Variants in CD84 observed in about 807,000 individuals in gnomAD.
CD84 encodes SLAM family member 5.
A neutral mutation model predicts 33.8 loss-of-function variants in CD84; 22 were observed. That is an observed-to-expected ratio of 0.65 (90% CI 0.46 to 0.93). CD84 has a LOEUF of 0.93. Ranked by LOEUF, CD84 falls within the 40% of genes least tolerant of loss-of-function variation. CD84 has a pLI of 0.00. For synonymous variants in CD84, 154 were observed against 145.2 expected (o/e 1.06, Z -0.44); for missense variants, 400 against 397.6 (o/e 1.01, Z -0.05).
intron 3 of CD84, 120 bp from the exon 4 acceptor site, chr1:160,553,617 C>A: frequency 8.2e-7 from 1 of 1,224,520 alleles, no homozygotes; most frequent in Admixed American, 2.2e-5. Flanking sequence ...AGTGCCAAAG[C>A]TCCTAGGGAA....
chr1:160,555,599 G>C (rs527287662), intron 2 of CD84, among the ~76,000 whole-genome samples: 8 of 152,314 alleles, frequency 5.3e-5, no homozygotes, highest in Admixed American at 5.2e-4. Context: ...GACTGGAGCT[G>C]GCATGGGGAA....
chr1:160,575,894 G>C (rs77898381), intron 1 of CD84, among the ~76,000 whole-genome samples: 2,660 of 152,288 alleles, frequency 0.017, 29 homozygotes, highest in Non-Finnish European at 0.025. Context: ...TGACAAGGTA[G>C]GCCTCCGCTG....
intron 1 of CD84, among the ~76,000 whole-genome samples, chr1:160,577,593 G>A (rs1379089102): frequency 6.6e-6 from 1 of 152,136 alleles, no homozygotes; most frequent in Non-Finnish European, 1.5e-5. Flanking sequence ...TCCTGTTTAT[G>A]TTCCTTGGAC....
rs958940390 is a variant in CD84, at chr1:160,541,896, G to C, written c.*6360C>G. ...ATAAAGCAATGATCTGAGGGAGTGA[G>C]CATGTAGAGGGAAGGTGTATTAGAG... On this transcript the variant is annotated 3_prime_UTR_variant, in exon 7 of 7. Coordinates refer to ENST00000368054, the MANE Select transcript of CD84 (RefSeq NM_003874.4). 1 of 152,320 alleles carries C rather than the reference G, an allele frequency of 6.6e-6. No homozygotes were observed. The highest frequency in any genetic ancestry group is 6.5e-5 in the Admixed American group (1 of 15,306). 9.4% of individuals were successfully genotyped at this position (152,320 alleles called of 1,614,324 possible).
At chr1:160,554,243 C>G in intron 2 of CD84, 97 bp from the exon 3 acceptor site, 6 of 1,206,616 alleles carry the variant, frequency 5.0e-6, no homozygotes, top group Non-Finnish European at 6.4e-6. Flanking sequence ...TGCAAGCCAT[C>G]ATTAAAAATT....
At chr1:160,564,426 A>G (rs1657187635) in intron 2 of CD84, among the ~76,000 whole-genome samples, 1 of 152,194 alleles carries the variant, frequency 6.6e-6, no homozygotes. Flanking sequence ...TATCCCAGAG[A>G]AATAAAAACT....
At position 160,547,087 on chromosome 1, in the gene CD84, T is replaced by C. The variant is rs11586224; in HGVS notation, c.*1169A>G. 0.012 allele frequency: 4,619 copies of C among 398,876 alleles called. 39 individuals carry two copies. The highest frequency in any genetic ancestry group is 0.028 in the Middle Eastern group (44 of 1,588). The allele number at this position is 398,876 out of a possible 1,614,324, so 24.7% of individuals were successfully genotyped here. A position where few individuals can be genotyped will look rare whatever the true frequency, so the allele number is the denominator to read the frequency against. On this transcript the variant is annotated 3_prime_UTR_variant, in exon 7 of 7. Transcript: ENST00000368054. ...CTCAGTTGTGAATGATTCTTCCTCATTGAGGAGAGTTAATGCCTGTGTAAG... is the reference window on the plus strand; with the variant it reads ...CTCAGTTGTGAATGATTCTTCCTCACTGAGGAGAGTTAATGCCTGTGTAAG...
At chr1:160,550,759 C>G (rs1452829041) in intron 5 of CD84, 179 bp downstream of exon 5, 1 of 985,378 alleles carries the variant, frequency 1.0e-6, no homozygotes, top group African/African-American at 1.7e-5. Context: ...GGGTCACGTT[C>G]CTGTCCTCAT....
At chr1:160,574,145 A>G (rs1657861691) in intron 1 of CD84, among the ~76,000 whole-genome samples, 1 of 150,620 alleles carries the variant, frequency 6.6e-6, no homozygotes, top group Non-Finnish European at 1.5e-5. Flanking sequence ...TTTTTTTTGC[A>G]ACTGACTCAA....
intron 6 of CD84, 61 bp downstream of exon 6, chr1:160,549,856 G>C (rs533326303): frequency 1.6e-6 from 2 of 1,243,452 alleles, no homozygotes; most frequent in East Asian, 2.3e-5. Flanking sequence ...GGATGGACCG[G>C]GTGCACCAGA....
At chr1:160,579,250 G>T in intron 1 of CD84, 142 bp downstream of exon 1, 2 of 1,057,696 alleles carry the variant, frequency 1.9e-6, no homozygotes, top group Admixed American at 2.8e-5. Context: ...CAGCCAGTTG[G>T]ATCCTGTTGA....
At chr1:160,566,146 G>A (rs1016492069) in intron 1 of CD84, among the ~76,000 whole-genome samples, 1 of 152,144 alleles carries the variant, frequency 6.6e-6, no homozygotes, top group African/African-American at 2.4e-5. Flanking sequence ...GAATATCTTG[G>A]CTGATGGACT....
chr1:160,562,652 T>C (rs981877122), intron 2 of CD84, among the ~76,000 whole-genome samples: 1 of 152,130 alleles, frequency 6.6e-6, no homozygotes, highest in Non-Finnish European at 1.5e-5. Flanking sequence ...ATTCAGGACA[T>C]AGGCACGGGC....
chr1:160,552,700 C>G lies in CD84; in HGVS notation c.760+678G>C, dbSNP rs1469718099. The G allele has an allele frequency of 3.2e-6, 5 of 1,545,502 alleles. No individual in the cohort carries two copies. In the South Asian group the frequency reaches 6.0e-5, roughly 18 times the overall value. ...ATTCAAGGAACTTTGTGGCTGAGAA[C>G]TTACAAGGGTTCTTAGTGAAGGTGT... On this transcript the variant is annotated intron_variant, in intron 4 of 6. Transcript: ENST00000368054.
At chr1:160,563,662 TGA>T (rs1657139554) in intron 2 of CD84, among the ~76,000 whole-genome samples, 1 of 152,104 alleles carries the variant, frequency 6.6e-6, no homozygotes, top group Non-Finnish European at 1.5e-5. Context: ...GATGATGGAA[TGA>T]TCTGTGCAGC....
chr1:160,563,719 C>A (rs138931389), intron 2 of CD84, among the ~76,000 whole-genome samples: 2 of 152,188 alleles, frequency 1.3e-5, no homozygotes, highest in African/African-American at 4.8e-5. Flanking sequence ...ACTTTGACAT[C>A]CTGCACATGT....
chr1:160,573,153 C>T (rs1012475427), intron 1 of CD84, among the ~76,000 whole-genome samples: 2 of 151,918 alleles, frequency 1.3e-5, no homozygotes, highest in African/African-American at 4.8e-5. Flanking sequence ...TTTGAAAAAA[C>T]AAAAAACAAA....
At chr1:160,572,154 G>C (rs1657732620) in intron 1 of CD84, among the ~76,000 whole-genome samples, 1 of 152,200 alleles carries the variant, frequency 6.6e-6, no homozygotes, top group Admixed American at 6.5e-5. Flanking sequence ...CTGAGGCCCT[G>C]ATCTTACTTG....
intron 1 of CD84, among the ~76,000 whole-genome samples, chr1:160,575,202 G>A (rs1274294277): frequency 6.6e-6 from 1 of 152,094 alleles, no homozygotes; most frequent in African/African-American, 2.4e-5. Context: ...ACATCGCTGA[G>A]TATTGTAGGT....
Sources: gnomAD v4.1 joint callset for allele counts (sites outside exome capture counted in the v4.1 genomes callset) on GRCh38, gnomAD v4.1.1 for gene constraint, MANE v1.5 for transcripts, NCBI Gene and HGNC (gene_info 2026-07-23, HGNC 2026-07-21) for gene names.